Variants in ADAMTS18 observed in about 807,000 individuals in gnomAD.
The protein encoded by ADAMTS18 is A disintegrin and metalloproteinase with thrombospondin motifs 18.
A neutral mutation model predicts 165.9 loss-of-function variants in ADAMTS18; 157 were observed. That is an observed-to-expected ratio of 0.95 (90% confidence interval 0.83 to 1.08). ADAMTS18 has a LOEUF of 1.08. Ranked by LOEUF, ADAMTS18 falls within the 50% of genes least tolerant of loss-of-function variation. The probability of loss-of-function intolerance (pLI) is 0.00; values close to 1 mark genes in which losing one functional copy is unlikely to be tolerated. For synonymous variants in ADAMTS18, 782 were observed against 578.2 expected, an observed-to-expected ratio of 1.35 and a Z score of -5.06; for missense variants, 2,040 against 1,534.0, an observed-to-expected ratio of 1.33 and a Z score of -5.51.
intron 3 of ADAMTS18, among the ~76,000 whole-genome samples, chr16:77,430,524 T>A (rs974199142): frequency 1.3e-5 from 2 of 152,238 alleles, no homozygotes; most frequent in Admixed American, 6.5e-5. Flanking sequence ...AATCACCATG[T>A]GTCTCAACAC....
At chr16:77,417,796 T>A (rs148154541) in intron 3 of ADAMTS18, among the ~76,000 whole-genome samples, 1 of 152,304 alleles carries the variant, frequency 6.6e-6, no homozygotes, top group Non-Finnish European at 1.5e-5. Context: ...CTACATACAA[T>A]AGATAGAAAA....
At position 77,343,769 on chromosome 16, in the gene ADAMTS18, G is replaced by C. The variant is rs141249920; in HGVS notation, c.1615-1970C>G. On this transcript the variant is annotated intron_variant, in intron 10 of 22. Coordinates refer to ENST00000282849, the MANE Select transcript of ADAMTS18 (RefSeq NM_199355.4). ...ATTACTTTCCGTTCTAACAGTTAAA[G>C]TTGATATTTACAATTATAGCACTAA... 3.4e-3 allele frequency among the ~76,000 whole-genome samples: 515 copies of C among 152,304 alleles called. 6 individuals are homozygous for C. The highest frequency in any genetic ancestry group is 0.012 in the African/African-American group (503 of 41,556).
At chr16:77,419,434 C>T (rs1009754024) in intron 3 of ADAMTS18, among the ~76,000 whole-genome samples, 1 of 152,128 alleles carries the variant, frequency 6.6e-6, no homozygotes, top group Admixed American at 6.5e-5. Context: ...TGTGTCATGG[C>T]CTCTTCCATC....
intron 22 of ADAMTS18, among the ~76,000 whole-genome samples, chr16:77,288,513 C>G (rs1424535775): frequency 6.6e-6 from 1 of 152,054 alleles, no homozygotes; most frequent in East Asian, 1.9e-4. Flanking sequence ...GTACAGTTTA[C>G]TCAGACTTTC....
intron 12 of ADAMTS18, among the ~76,000 whole-genome samples, chr16:77,334,758 G>GTATA (rs1567491959): frequency 4.9e-5 from 5 of 101,324 alleles, no homozygotes; most frequent in Non-Finnish European, 9.2e-5. Context: ...GTATACTATA[G>GTATA]TATACAGTAT....
At chr16:77,325,178 GACAGCGTA>G (rs1445027147) in intron 13 of ADAMTS18, among the ~76,000 whole-genome samples, 1 of 152,116 alleles carries the variant, frequency 6.6e-6, no homozygotes. Context: ...CCTGTTTCAA[GACAGCGTA>G]ACAGTTTTGA....
At chr16:77,328,021 T>C (rs188707432) in intron 12 of ADAMTS18, among the ~76,000 whole-genome samples, 1 of 152,244 alleles carries the variant, frequency 6.6e-6, no homozygotes, top group Admixed American at 6.5e-5. Flanking sequence ...ATCAGCATAG[T>C]CACTTTTCAG....
intron 3 of ADAMTS18, among the ~76,000 whole-genome samples, chr16:77,370,576 C>G (rs1355048831): frequency 6.6e-6 from 1 of 152,024 alleles, no homozygotes; most frequent in Non-Finnish European, 1.5e-5. Context: ...ATGGTGAAAC[C>G]ATGTCTCTAC....
At chr16:77,410,542 A>T (rs1230688694) in intron 3 of ADAMTS18, among the ~76,000 whole-genome samples, 1 of 152,124 alleles carries the variant, frequency 6.6e-6, no homozygotes, top group Non-Finnish European at 1.5e-5. Flanking sequence ...CCCTAATCCT[A>T]TCTTCAAATG....
chr16:77,416,510 G>A (rs560543470), intron 3 of ADAMTS18, among the ~76,000 whole-genome samples: 8 of 152,140 alleles, frequency 5.3e-5, no homozygotes, highest in Non-Finnish European at 1.0e-4. Context: ...CAGGAGATCT[G>A]ATGGTTTTAT....
rs371916219 is a variant in ADAMTS18 at position 77,319,927 on chromosome 16, C to A, written c.2454G>T (p.Thr818=). 1 of 1,614,176 alleles carries A rather than the reference C, an allele frequency of 6.2e-7. No homozygotes were observed. The highest frequency in any genetic ancestry group is 2.2e-5 in the East Asian group (1 of 44,872). ...GGTTGAAAGAGCGCTGGTATTCAAA[C>A]GTGGTCCCAGCGAAGGGGAACTCCC... The part of the protein sequence containing the change: ...WPGEFPFAGT[T]FEYQRSFNRP... Residue 818 remains threonine (T), a synonymous_variant, in exon 16 of 23, where the codon ACG becomes ACT. Coordinates refer to ENST00000282849, the MANE Select transcript of ADAMTS18 (RefSeq NM_199355.4).
At chr16:77,424,468 CAAA>C (rs4038057) in intron 3 of ADAMTS18, among the ~76,000 whole-genome samples, 6 of 107,724 alleles carry the variant, frequency 5.6e-5, no homozygotes, top group Non-Finnish European at 5.8e-5. Flanking sequence ...AACTCCATCT[CAAA>C]AAAAAAAAAA....
chr16:77,309,459 C>A (rs1412612945), intron 16 of ADAMTS18, among the ~76,000 whole-genome samples: 1 of 152,144 alleles, frequency 6.6e-6, no homozygotes. Flanking sequence ...TGTCATCCAC[C>A]TGTTGCACAT....
At chr16:77,397,535 A>G (rs1233196921) in intron 3 of ADAMTS18, among the ~76,000 whole-genome samples, 2 of 152,260 alleles carry the variant, frequency 1.3e-5, no homozygotes, top group African/African-American at 4.8e-5. Flanking sequence ...TGTAGGTCTC[A>G]TAGAATTTGG....
At chr16:77,393,007 G>A (rs1567536616) in intron 3 of ADAMTS18, among the ~76,000 whole-genome samples, 2 of 152,154 alleles carry the variant, frequency 1.3e-5, no homozygotes, top group South Asian at 4.1e-4. Context: ...AAAGGACCCA[G>A]AATCAGGAAT....
chr16:77,318,538 A>C (rs1190924800), intron 16 of ADAMTS18, among the ~76,000 whole-genome samples: 2 of 152,328 alleles, frequency 1.3e-5, no homozygotes, highest in East Asian at 3.9e-4. Context: ...CAGGAAATGA[A>C]TGCATGAAAC....
chr16:77,379,038 G>A (rs927230572), intron 3 of ADAMTS18: 1 of 142,290 alleles, frequency 7.0e-6, no homozygotes, highest in Non-Finnish European at 1.5e-5. Flanking sequence ...TTTAAAGACA[G>A]AAGAGAAACC....
chr16:77,425,439 A>G (rs1215133620), intron 3 of ADAMTS18, among the ~76,000 whole-genome samples: 1 of 152,190 alleles, frequency 6.6e-6, no homozygotes. Context: ...CAAGAGAAAC[A>G]GCAAAGCAGT....
At chr16:77,342,967 G>C (rs1294585122) in intron 10 of ADAMTS18, among the ~76,000 whole-genome samples, 1 of 152,138 alleles carries the variant, frequency 6.6e-6, no homozygotes, top group Non-Finnish European at 1.5e-5. Flanking sequence ...GAGGGGCCAT[G>C]AGCCAAGGAA....
Sources: gnomAD v4.1 joint callset for allele counts (sites outside exome capture counted in the v4.1 genomes callset) on GRCh38, gnomAD v4.1.1 for gene constraint, MANE v1.5 for transcripts, NCBI Gene and HGNC (gene_info 2026-07-23, HGNC 2026-07-21) for gene names.